PDXDC1: variants seen among roughly 807,000 people sequenced by gnomAD.
PDXDC1 encodes pyridoxal dependent decarboxylase domain containing 1.
Under a neutral mutation model 100.1 loss-of-function variants are expected in PDXDC1, and 42 were observed. The ratio of observed to expected loss-of-function variants is 0.42; its 90% CI spans 0.33 to 0.54. The LOEUF is 0.54. PDXDC1 is among the 20% of genes least tolerant of loss of function. The pLI is 0.10. For synonymous variants in PDXDC1, 260 were observed against 371.7 expected, an observed-to-expected ratio of 0.70 and a Z score of 3.46; for missense variants, 636 against 979.2, an observed-to-expected ratio of 0.65 and a Z score of 4.68.
At chr16:15,005,497 T>C (rs903871467) in intron 5 of PDXDC1, among the ~76,000 whole-genome samples, 1 of 152,280 alleles carries the variant, frequency 6.6e-6, no homozygotes, top group Non-Finnish European at 1.5e-5. Context: ...TTTGCCTAAC[T>C]TGAGACATTT....
At chr16:14,976,797 A>T (rs1966856900) in intron 1 of PDXDC1, 1 of 152,544 alleles carries the variant, frequency 6.6e-6, no homozygotes, top group Non-Finnish European at 1.5e-5. Flanking sequence ...TCTCTGGCCC[A>T]AAATGTCAGC....
At chr16:15,124,905 T>C (rs1469000636) in intron 16 of PDXDC1, among the ~76,000 whole-genome samples, 3 of 151,810 alleles carry the variant, frequency 2.0e-5, no homozygotes, top group Non-Finnish European at 4.4e-5. Flanking sequence ...TCCCAGCACT[T>C]TGGGAGGCTG....
chr16:15,128,855 G>C lies in PDXDC1; in HGVS notation c.1400-10024G>C, dbSNP rs557009615. On this transcript the variant is annotated intron_variant, in intron 16 of 16. Transcript: ENST00000535621. Reference sequence around the variant, plus strand: ...GAGTCTTGCTGTGTCACCCAGGCTGGAGTGCAGTGGCGCAATCTCAGCTCA... The same window carrying C: ...GAGTCTTGCTGTGTCACCCAGGCTGCAGTGCAGTGGCGCAATCTCAGCTCA... 9.3e-4 allele frequency among the ~76,000 whole-genome samples: 139 copies of C among 150,124 alleles called. 1 individual carries two copies. Among genetic ancestry groups the C allele is most frequent in the African/African-American group, 3.3e-3 (134 of 40,898 alleles).
At chr16:15,013,186 GTAAA>G (rs1186749803) in intron 8 of PDXDC1, among the ~76,000 whole-genome samples, 2 of 149,428 alleles carry the variant, frequency 1.3e-5, no homozygotes, top group Non-Finnish European at 3.0e-5. Flanking sequence ...AAATAAATAA[GTAAA>G]TAAATAAAAC....
the PDXDC1 span, among the ~76,000 whole-genome samples, chr16:15,150,347 CAATA>C: frequency 0.038 from 5,330 of 141,178 alleles, 117 homozygotes; most frequent in Middle Eastern, 0.048. Context: ...TCTCAAATAA[CAATA>C]AATAAATAAA....
chr16:15,140,077 C>G (rs547532875), downstream of PDXDC1, among the ~76,000 whole-genome samples: 12 of 100,396 alleles, frequency 1.2e-4, no homozygotes, highest in Non-Finnish European at 2.1e-4. Flanking sequence ...AGCCTGGTGA[C>G]ATAGCGAGAC....
Position 15,037,926 on chromosome 16 carries a change from G to GGAGGCCTAAGACCCAACAGATGT in PDXDC1, c.*1652_*1674dup. On this transcript the variant is annotated 3_prime_UTR_variant, in exon 23 of 23. Transcript: ENST00000396410. ...CATTTGAAAGACACTGAGGAGGGAA[G>GGAGGCCTAAGACCCAACAGATGT]GAGGCCTAAGACCCAACAGATGTAG... 1.5e-6 allele frequency: 1 copy of GGAGGCCTAAGACCCAACAGATGT among 684,914 alleles called. No individual in the cohort carries two copies. Among genetic ancestry groups the GGAGGCCTAAGACCCAACAGATGT allele is most frequent in the Non-Finnish European group, 2.5e-6 (1 of 401,660 alleles). 42.4% of individuals were successfully genotyped at this position (684,914 alleles called of 1,614,324 possible). A position where few individuals can be genotyped will look rare whatever the true frequency, so the allele number is the denominator to read the frequency against.
intron 16 of PDXDC1, chr16:15,086,071 G>A (rs2045905415): frequency 2.0e-6 from 3 of 1,498,992 alleles, no homozygotes; most frequent in Non-Finnish European, 2.7e-6. Flanking sequence ...ATAAGGGGAA[G>A]GTAGTATTTT....
chr16:14,987,459 G>A (rs1184187179), intron 1 of PDXDC1, among the ~76,000 whole-genome samples: 11 of 152,282 alleles, frequency 7.2e-5, no homozygotes, highest in African/African-American at 2.7e-4. Flanking sequence ...CACAATGCCT[G>A]GAATATAGTA....
the PDXDC1 span, among the ~76,000 whole-genome samples, chr16:15,147,687 C>T: frequency 6.6e-6 from 1 of 152,036 alleles, no homozygotes; most frequent in Non-Finnish European, 1.5e-5. Flanking sequence ...CCACCATGCT[C>T]AGCATTTTTT....
upstream of PDXDC1, chr16:14,974,751 G>A: frequency 6.5e-7 from 1 of 1,535,404 alleles, no homozygotes; most frequent in Non-Finnish European, 8.7e-7. Context: ...CATTCTCGAG[G>A]GATGCCGGCG....
At chr16:15,018,003 A>G (rs1319097536) in intron 11 of PDXDC1, among the ~76,000 whole-genome samples, 10 of 152,158 alleles carry the variant, frequency 6.6e-5, no homozygotes, top group African/African-American at 2.2e-4. Flanking sequence ...CAAGTTGGTC[A>G]TGTTGAACTC....
chr16:15,047,541 G>A, intron 16 of PDXDC1: 1 of 1,612,458 alleles, frequency 6.2e-7, no homozygotes, highest in Non-Finnish European at 8.5e-7. Flanking sequence ...CAAGCAGGTG[G>A]CCCCATTACC....
intron 16 of PDXDC1, among the ~76,000 whole-genome samples, chr16:15,082,239 G>C (rs1033077192): frequency 6.6e-6 from 1 of 152,172 alleles, no homozygotes; most frequent in Admixed American, 6.5e-5. Flanking sequence ...CCTTTATCAG[G>C]TTGAGAAAAT....
chr16:15,055,440 C>G (rs1396116111), intron 16 of PDXDC1, among the ~76,000 whole-genome samples: 6 of 152,214 alleles, frequency 3.9e-5, no homozygotes, highest in Non-Finnish European at 7.3e-5. Flanking sequence ...CCAGGCCAAA[C>G]GCTCTCCGAA....
At position 15,037,295 on chromosome 16, in the gene PDXDC1, CG is replaced by C. The variant is rs1567744445; in HGVS notation, c.*1021del. The C allele has an allele frequency of 2.0e-5, 3 of 152,298 alleles. 1 individual carries two copies. Among genetic ancestry groups the C allele is most frequent in the South Asian group, 4.1e-4 (2 of 4,822 alleles). The allele number at this position is 152,298 out of a possible 1,614,324, so 9.4% of individuals were successfully genotyped here. On this transcript the variant is annotated 3_prime_UTR_variant, in exon 23 of 23. Transcript: ENST00000396410. ...TTTCCGAAGTACTGCGTCACTTTGTCGTAAGTAATGGCCCCTGTGCCTTCTT... is the reference window on the plus strand; with the variant it reads ...TTTCCGAAGTACTGCGTCACTTTGTCTAAGTAATGGCCCCTGTGCCTTCTT...
chr16:15,069,299 G>A (rs924417321), intron 16 of PDXDC1, among the ~76,000 whole-genome samples: 6 of 152,238 alleles, frequency 3.9e-5, no homozygotes, highest in South Asian at 2.1e-4. Context: ...GACAGCCCCC[G>A]ACGATGAAGG....
At position 15,036,201 on chromosome 16, in the gene PDXDC1, G is replaced by A. The variant is rs772430292; in HGVS notation, c.2293G>A (p.Glu765Lys). The A allele has an allele frequency of 1.2e-5, 19 of 1,614,024 alleles. No individual in the cohort carries two copies. The highest frequency in any genetic ancestry group is 6.7e-5 in the African/African-American group (5 of 74,920). Residue 765 changes from glutamate (E) to lysine (K), a missense_variant, in exon 23 of 23, where the codon GAG (glutamate) becomes AAG (lysine). Around this residue, in one of 4 missense-constraint regions of PDXDC1, gnomAD observed 452 missense variants for 402.9 expected, o/e 1.12. Transcript: ENST00000396410. ...CAGCCCTCAGCACACCGACCAGACC[G>A]AGGCCTTCCAGAAAGGGGTCCCACA... Reference protein sequence around the residue: ...APSPQHTDQTEAFQKGVPHPE... With the variant: ...APSPQHTDQTKAFQKGVPHPE...
intron 16 of PDXDC1, among the ~76,000 whole-genome samples, chr16:15,052,098 C>A (rs1001812949): frequency 6.6e-6 from 1 of 151,972 alleles, no homozygotes. Context: ...CAGTGACCAG[C>A]AGATTTTCTG....
Sources: allele counts gnomAD v4.1 joint callset (sites outside exome capture counted in the v4.1 genomes callset), GRCh38; gene constraint gnomAD v4.1.1; regional missense constraint gnomAD v4.1.1; transcripts MANE v1.5; gene names NCBI Gene and HGNC (gene_info 2026-07-23, HGNC 2026-07-21).